The following CNNM2 variants were observed in gnomAD, a reference collection of about 807,000 sequenced individuals.
The protein encoded by CNNM2 is cyclin and CBS domain divalent metal cation transport mediator 2, also known as metal transporter CNNM2.
In CNNM2, 12 loss-of-function variants were observed where a neutral mutation model predicts 66.9. The ratio of observed to expected loss-of-function variants is 0.18; its 90% CI spans 0.11 to 0.29. The LOEUF (loss-of-function observed/expected upper bound fraction) is 0.29, where lower values mean the gene tolerates loss of function less well. Ranked by LOEUF, CNNM2 falls within the 10% of genes least tolerant of loss-of-function variation. CNNM2 has a pLI of 1.00. For missense variants in CNNM2, 705 were observed against 1,167.7 expected, an observed-to-expected ratio of 0.60 and a Z score of 5.77; for synonymous variants, 557 against 501.8, an observed-to-expected ratio of 1.11 and a Z score of -1.47.
chr10:102,984,664 T>C (rs367808230), intron 1 of CNNM2, among the ~76,000 whole-genome samples: 107 of 152,282 alleles, frequency 7.0e-4, no homozygotes, highest in African/African-American at 2.3e-3. Flanking sequence ...TGTCCTTACT[T>C]CTATCTTATT....
chr10:103,033,905 C>T (rs933539644), intron 1 of CNNM2, among the ~76,000 whole-genome samples: 1 of 152,102 alleles, frequency 6.6e-6, no homozygotes, highest in Non-Finnish European at 1.5e-5. Context: ...TCTTTTTTCT[C>T]CTCTATAATG....
intron 1 of CNNM2, among the ~76,000 whole-genome samples, chr10:103,019,896 T>C (rs985354042): frequency 2.0e-5 from 3 of 152,182 alleles, no homozygotes; most frequent in East Asian, 1.9e-4. Flanking sequence ...GAAAAAAATA[T>C]GTAAGACACA....
At chr10:103,003,035 A>T (rs1482868071) in intron 1 of CNNM2, among the ~76,000 whole-genome samples, 3 of 152,138 alleles carry the variant, frequency 2.0e-5, no homozygotes, top group African/African-American at 7.2e-5. Context: ...GGGTAAATAA[A>T]TGTGGTGTAT....
At chr10:103,033,883 A>C (rs2064878332) in intron 1 of CNNM2, among the ~76,000 whole-genome samples, 1 of 152,182 alleles carries the variant, frequency 6.6e-6, no homozygotes. Context: ...TGGGTTTTAA[A>C]AGTTGTTTGC....
rs554176450 is a variant in CNNM2 at position 103,044,297 on chromosome 10, G to A, written c.1622-5410G>A. ...TTTGAGCTCGGTTTTGAAAATTTAT[G>A]TATTGAAAAGTTGTTTATTTGGGAG... On this transcript the variant is annotated intron_variant, in intron 1 of 7. Coordinates refer to ENST00000369878, the MANE Select transcript of CNNM2 (RefSeq NM_017649.5). Among the ~76,000 whole-genome samples the A allele has an allele frequency of 4.7e-5, 7 of 149,124 alleles. No individual in the cohort carries two copies. In the East Asian group the frequency reaches 6.5e-4, roughly 14 times the overall value.
At chr10:103,043,055 C>T (rs909344252) in intron 1 of CNNM2, among the ~76,000 whole-genome samples, 7 of 152,112 alleles carry the variant, frequency 4.6e-5, no homozygotes, top group African/African-American at 7.2e-5. Context: ...GTAAGGAGGC[C>T]GCAGCATCTC....
At chr10:103,025,327 G>A (rs1031517911) in intron 1 of CNNM2, among the ~76,000 whole-genome samples, 17 of 152,184 alleles carry the variant, frequency 1.1e-4, no homozygotes, top group African/African-American at 3.9e-4. Flanking sequence ...CTGACCTTGT[G>A]ATCCACCCAC....
chr10:103,059,852 C>A (rs2065355028), intron 4 of CNNM2, among the ~76,000 whole-genome samples: 1 of 152,134 alleles, frequency 6.6e-6, no homozygotes, highest in East Asian at 1.9e-4. Flanking sequence ...TTCGAAAAAG[C>A]TTATGTGGGC....
intron 1 of CNNM2, among the ~76,000 whole-genome samples, chr10:102,925,325 A>T (rs1845820955): frequency 6.6e-6 from 1 of 150,564 alleles, no homozygotes; most frequent in Non-Finnish European, 1.5e-5. Flanking sequence ...AAAAAAAAAA[A>T]AGATTTACTT....
At chr10:102,952,786 T>TA (rs1207971995) in intron 1 of CNNM2, among the ~76,000 whole-genome samples, 1 of 152,166 alleles carries the variant, frequency 6.6e-6, no homozygotes, top group Non-Finnish European at 1.5e-5. Flanking sequence ...TAGGATGTGT[T>TA]ACGTAGGTCT....
rs968093839 is a variant in CNNM2, at chr10:103,081,083, G to A, written c.*3903G>A. The A allele has an allele frequency of 3.3e-5, 5 of 152,228 alleles. No individual in the cohort carries two copies. Among genetic ancestry groups the A allele is most frequent in the Admixed American group, 6.5e-5 (1 of 15,282 alleles). The allele number at this position is 152,228 out of a possible 1,614,324, so 9.4% of individuals were successfully genotyped here. ...TGACTCACCCGGGCTGGCACAGGAA[G>A]GTGCTCACCTTGTTCTCTGGGGCTC... On this transcript the variant is annotated 3_prime_UTR_variant, in exon 8 of 8. Coordinates refer to ENST00000369878, the MANE Select transcript of CNNM2 (RefSeq NM_017649.5).
chr10:102,967,885 G>A (rs1322775124), intron 1 of CNNM2, among the ~76,000 whole-genome samples: 1 of 152,228 alleles, frequency 6.6e-6, no homozygotes, highest in African/African-American at 2.4e-5. Flanking sequence ...GCAAGTGCCT[G>A]TAATCCCAGC....
At position 103,082,034 on chromosome 10, in the gene CNNM2, G is replaced by A. The variant is rs1467650249; in HGVS notation, c.*4854G>A. 6.6e-6 allele frequency: 1 copy of A among 152,204 alleles called. No homozygotes were observed. The highest frequency in any genetic ancestry group is 1.5e-5 in the Non-Finnish European group (1 of 68,058). 9.4% of individuals were successfully genotyped at this position (152,204 alleles called of 1,614,324 possible). On this transcript the variant is annotated 3_prime_UTR_variant, in exon 8 of 8. Transcript: ENST00000369878. Reference sequence around the variant, plus strand: ...ACCAGGTTGAACTTCAAGCATCATGGAAACAAAGGTTCTAGCTGCAAGAGA... The same window carrying A: ...ACCAGGTTGAACTTCAAGCATCATGAAAACAAAGGTTCTAGCTGCAAGAGA...
chr10:103,068,569 C>G, intron 4 of CNNM2, 60 bp from the exon 5 acceptor site: 2 of 1,329,708 alleles, frequency 1.5e-6, no homozygotes, highest in Middle Eastern at 3.6e-4. Context: ...AAATATTGTA[C>G]AGAGTGTGCC....
chr10:102,918,569 G>A lies in CNNM2; in HGVS notation c.89G>A (p.Arg30His), dbSNP rs1384119311. Residue 30 changes from arginine to histidine, a missense_variant, in exon 1 of 8, where the codon CGC becomes CAC. Arg to His is a conservative substitution (Grantham distance 29, BLOSUM62 0). Around this residue, in one of 9 missense-constraint regions of CNNM2, gnomAD observed 98 missense variants for 73.6 expected, o/e 1.33. Coordinates refer to ENST00000369878, the MANE Select transcript of CNNM2 (RefSeq NM_017649.5). The surrounding 1 kb of genome is among the most constrained non-coding windows in gnomAD (Gnocchi z 4.1). ...CTGCCCACTTGGAAGATGGCGGCGC[G>A]CCGCAGCCTCAGCGCTCGCGGCCGG... ...AALPTWKMAA[R>H]RSLSARGRGI... 3 of 1,584,056 alleles carry A rather than the reference G, an allele frequency of 1.9e-6. No homozygotes were observed. Among genetic ancestry groups the A allele is most frequent in the Middle Eastern group, 3.5e-4 (2 of 5,662 alleles).
At chr10:102,930,287 A>G (rs1447150096) in intron 1 of CNNM2, among the ~76,000 whole-genome samples, 1 of 152,216 alleles carries the variant, frequency 6.6e-6, no homozygotes, top group East Asian at 1.9e-4. Context: ...AAAAAAATAT[A>G]TATATGTATA....
intron 1 of CNNM2, among the ~76,000 whole-genome samples, chr10:102,933,348 TA>T (rs1045147067): frequency 6.6e-6 from 1 of 152,224 alleles, no homozygotes; most frequent in African/African-American, 2.4e-5. Flanking sequence ...ATCCTTTTGT[TA>T]AACTTATTCC....
chr10:102,921,623 C>T (rs1438881853), intron 1 of CNNM2, among the ~76,000 whole-genome samples: 1 of 152,154 alleles, frequency 6.6e-6, no homozygotes, highest in Non-Finnish European at 1.5e-5. Flanking sequence ...CATTCTTTCA[C>T]CACTAAGTTG....
At chr10:103,064,768 A>G (rs906209846) in intron 4 of CNNM2, among the ~76,000 whole-genome samples, 2 of 152,176 alleles carry the variant, frequency 1.3e-5, no homozygotes, top group Non-Finnish European at 2.9e-5. Context: ...TGAGCTCAGG[A>G]GTTCAAGGCT....
Sources: gnomAD v4.1 joint callset for allele counts (sites outside exome capture counted in the v4.1 genomes callset) on GRCh38, gnomAD v4.1.1 for gene constraint, gnomAD v4.1.1 regional missense constraint, Gnocchi (gnomAD v3.1) non-coding constraint, MANE v1.5 for transcripts, NCBI Gene and HGNC (gene_info 2026-07-23, HGNC 2026-07-21) for gene names.